STK32B: variants seen among roughly 807,000 people sequenced by gnomAD.
STK32B encodes serine/threonine kinase 32B, also known as serine/threonine-protein kinase 32B.
STK32B carries 43 observed loss-of-function variants against 52.6 expected under a neutral mutation model. That is an observed-to-expected ratio of 0.82 (90% CI 0.64 to 1.05). The LOEUF (loss-of-function observed/expected upper bound fraction) is 1.05, where lower values mean the gene tolerates loss of function less well. STK32B is among the 50% of genes least tolerant of loss of function. STK32B has a pLI of 0.00. For missense variants in STK32B, 621 were observed against 534.6 expected, an observed-to-expected ratio of 1.16 and a Z score of -1.59; for synonymous variants, 238 against 204.3, an observed-to-expected ratio of 1.17 and a Z score of -1.41.
intron 3 of STK32B, among the ~76,000 whole-genome samples, chr4:5,277,200 G>A (rs1560280566): frequency 2.0e-5 from 3 of 152,184 alleles, no homozygotes. Context: ...CAGTGCTGTG[G>A]ACAGAATGGT....
chr4:5,258,500 C>T (rs965812743), intron 3 of STK32B, among the ~76,000 whole-genome samples: 3 of 152,156 alleles, frequency 2.0e-5, no homozygotes, highest in Non-Finnish European at 2.9e-5. Context: ...GCAAGCGTTC[C>T]GTGCATAAAG....
intron 5 of STK32B, among the ~76,000 whole-genome samples, chr4:5,409,807 G>A (rs1711516475): frequency 6.6e-6 from 1 of 152,116 alleles, no homozygotes. Flanking sequence ...GCAGACAGAT[G>A]ATTTTTTAAG....
At chr4:5,195,123 G>T (rs1721535669) in intron 3 of STK32B, among the ~76,000 whole-genome samples, 1 of 152,054 alleles carries the variant, frequency 6.6e-6, no homozygotes, top group South Asian at 2.1e-4. Flanking sequence ...TTTCAGGCTG[G>T]AGTGCATTGG....
chr4:5,125,428 C>A (rs919946377), intron 1 of STK32B, among the ~76,000 whole-genome samples: 3 of 152,232 alleles, frequency 2.0e-5, no homozygotes, highest in East Asian at 1.9e-4. Context: ...TCCAGCCCCC[C>A]TCCCTGAGCA....
Position 5,460,860 on chromosome 4 carries a change from A to G in STK32B, c.909+632A>G, listed in dbSNP as rs560893579. Among the ~76,000 whole-genome samples the G allele has an allele frequency of 6.6e-5, 10 of 152,364 alleles. No individual in the cohort carries two copies. In the East Asian group the frequency reaches 1.7e-3, roughly 26 times the overall value. On this transcript the variant is annotated intron_variant, in intron 9 of 11. Coordinates refer to ENST00000282908, the MANE Select transcript of STK32B (RefSeq NM_018401.3). The surrounding 1 kb of genome is among the most constrained non-coding windows in gnomAD (Gnocchi z 4.8). Reference sequence around the variant, plus strand: ...AGGAAATGGGGCCAGGAGGGAACACATGCCACACCAAAAAGGCTTCCAGAG... The same window carrying G: ...AGGAAATGGGGCCAGGAGGGAACACGTGCCACACCAAAAAGGCTTCCAGAG...
intron 1 of STK32B, among the ~76,000 whole-genome samples, chr4:5,130,667 G>T (rs1382252931): frequency 6.6e-6 from 1 of 152,048 alleles, no homozygotes; most frequent in African/African-American, 2.4e-5. Context: ...GAGCAACTTG[G>T]TAAACAAAGG....
At chr4:5,161,835 C>T (rs9990893) in intron 2 of STK32B, among the ~76,000 whole-genome samples, 1 of 152,022 alleles carries the variant, frequency 6.6e-6, no homozygotes, top group Non-Finnish European at 1.5e-5. Flanking sequence ...TTTCTTCCCC[C>T]TACCCCCACC....
chr4:5,454,457 A>G (rs1409059863), intron 7 of STK32B, among the ~76,000 whole-genome samples: 1 of 151,970 alleles, frequency 6.6e-6, no homozygotes, highest in Admixed American at 6.6e-5. Context: ...TCTGTGCCAT[A>G]AAGTCCCCCT....
At chr4:5,032,476 C>CAAAAAAAAAAAAAA in the STK32B span, among the ~76,000 whole-genome samples, 1 of 49,702 alleles carries the variant, frequency 2.0e-5, no homozygotes, top group East Asian at 9.6e-4. Context: ...GACTCCATCT[C>CAAAAAAAAAAAAAA]AAAAAAAAAA....
intron 3 of STK32B, among the ~76,000 whole-genome samples, chr4:5,316,151 A>G (rs1227465313): frequency 1.0e-5 from 1 of 96,354 alleles, no homozygotes; most frequent in Non-Finnish European, 1.9e-5. Context: ...ATATATAACT[A>G]AATATATATA....
In STK32B at chr4:5,129,030, G is replaced by A. The variant is rs61711959; in HGVS notation, c.53-10875G>A. Reference sequence around the variant, plus strand: ...GTGTAGCCTGTGAGACTGTGGCCTTGAACTAATAGATTATCTGCTGAGAGG... The same window carrying A: ...GTGTAGCCTGTGAGACTGTGGCCTTAAACTAATAGATTATCTGCTGAGAGG... On this transcript the variant is annotated intron_variant, in intron 1 of 11. Transcript: ENST00000282908. Among the ~76,000 whole-genome samples, 1,292 of 152,316 alleles carry A rather than the reference G, an allele frequency of 8.5e-3. 21 individuals are homozygous for A. Among genetic ancestry groups the A allele is most frequent in the African/African-American group, 0.029 (1,199 of 41,568 alleles).
At chr4:5,333,898 G>T (rs2108958535) in intron 4 of STK32B, among the ~76,000 whole-genome samples, 1 of 152,348 alleles carries the variant, frequency 6.6e-6, no homozygotes, top group South Asian at 2.1e-4. Context: ...ATAGTTTGAA[G>T]TCAGGTAGCA....
chr4:5,272,208 G>A (rs1177473452), intron 3 of STK32B, among the ~76,000 whole-genome samples: 5 of 142,646 alleles, frequency 3.5e-5, no homozygotes, highest in East Asian at 2.0e-4. Context: ...AGAGTTTTTA[G>A]CATGAAGGGT....
intron 3 of STK32B, among the ~76,000 whole-genome samples, chr4:5,191,301 A>G (rs1243917391): frequency 3.4e-5 from 5 of 148,958 alleles, no homozygotes; most frequent in Non-Finnish European, 7.4e-5. Flanking sequence ...CCCAGGCTGG[A>G]GTGCAGTGGC....
intron 5 of STK32B, 66 bp from the exon 6 acceptor site, chr4:5,416,779 A>G: frequency 7.0e-7 from 1 of 1,433,894 alleles, no homozygotes; most frequent in African/African-American, 1.4e-5. Flanking sequence ...CTTGCAAACC[A>G]CAGCTTTAAA....
At chr4:5,314,482 C>T (rs770387521) in intron 3 of STK32B, among the ~76,000 whole-genome samples, 3 of 152,142 alleles carry the variant, frequency 2.0e-5, no homozygotes, top group Non-Finnish European at 2.9e-5. Context: ...CCAGCCTGGG[C>T]AACACGTTGA....
chr4:5,447,994 T>C lies in STK32B; in HGVS notation c.666+1218T>C, dbSNP rs1460343968. On this transcript the variant is annotated intron_variant, in intron 7 of 11. Transcript: ENST00000282908. Reference sequence around the variant, plus strand: ...GGAGGTGCCTTCCTTGAGGGCATGATGGTGTCTTATTCACTGTGGGTGTCC... The same window carrying C: ...GGAGGTGCCTTCCTTGAGGGCATGACGGTGTCTTATTCACTGTGGGTGTCC... Among the ~76,000 whole-genome samples, 5 of 152,356 alleles carry C rather than the reference T, an allele frequency of 3.3e-5. No homozygotes were observed. In the East Asian group the frequency reaches 9.6e-4, roughly 29 times the overall value.
intron 3 of STK32B, among the ~76,000 whole-genome samples, chr4:5,254,446 A>T (rs890204038): frequency 6.6e-6 from 1 of 152,034 alleles, no homozygotes; most frequent in African/African-American, 2.4e-5. Context: ...TCTATTCCTA[A>T]TTTTTGTATA....
Position 5,325,915 on chromosome 4 carries a change from G to A in STK32B, c.261-5305G>A, listed in dbSNP as rs115519061. On this transcript the variant is annotated intron_variant, in intron 3 of 11. Transcript: ENST00000282908. ...CAAAACTACAGAGAGATAAATGAAA[G>A]GTCATTCTGTGTTCTCCAGTAATAA... 8.0e-3 allele frequency among the ~76,000 whole-genome samples: 1,223 copies of A among 152,316 alleles called. 12 individuals are homozygous for A. The highest frequency in any genetic ancestry group is 0.028 in the African/African-American group (1,175 of 41,572).
Sources: allele counts gnomAD v4.1 joint callset (sites outside exome capture counted in the v4.1 genomes callset), GRCh38; gene constraint gnomAD v4.1.1; non-coding constraint Gnocchi (gnomAD v3.1); transcripts MANE v1.5; gene names NCBI Gene and HGNC (gene_info 2026-07-23, HGNC 2026-07-21).